Variants in ADAMTS19 observed in about 807,000 individuals in gnomAD.
ADAMTS19 encodes the protein A disintegrin and metalloproteinase with thrombospondin motifs 19.
ADAMTS19 carries 93 observed loss-of-function variants against 153.3 expected under a neutral mutation model. The ratio of observed to expected loss-of-function variants is 0.61; its 90% confidence interval spans 0.51 to 0.72. The LOEUF is 0.72. Among genes scored for constraint, ADAMTS19 ranks in the 30% least tolerant of loss-of-function variants. The probability of loss-of-function intolerance (pLI) is 0.00; values close to 1 mark genes in which losing one functional copy is unlikely to be tolerated. For missense variants in ADAMTS19, 1,482 were observed against 1,552.1 expected, an observed-to-expected ratio of 0.95 and a Z score of 0.76; for synonymous variants, 600 against 556.6, an observed-to-expected ratio of 1.08 and a Z score of -1.10.
In ADAMTS19 at chr5:129,612,509, A is replaced by T. The variant is rs578016474; in HGVS notation, c.1479-8109A>T. Among the ~76,000 whole-genome samples, 4 of 152,268 alleles carry T rather than the reference A, an allele frequency of 2.6e-5. No homozygotes were observed. The East Asian group carries it at 7.7e-4, about 29-fold the overall frequency. ...AATGCTGAGAGATTTTGTCACCACC[A>T]GGCCTTCCTACAAGAGCTCCTGAAG... On this transcript the variant is annotated intron_variant, in intron 8 of 22. Coordinates refer to ENST00000274487, the MANE Select transcript of ADAMTS19 (RefSeq NM_133638.6).
chr5:129,573,220 G>A (rs965763558), intron 7 of ADAMTS19, among the ~76,000 whole-genome samples: 3 of 151,964 alleles, frequency 2.0e-5, no homozygotes, highest in African/African-American at 7.2e-5. Flanking sequence ...CCTTGCTTAG[G>A]ACCAATATTT....
intron 10 of ADAMTS19, among the ~76,000 whole-genome samples, chr5:129,638,967 A>C (rs1392421862): frequency 6.6e-6 from 1 of 152,204 alleles, no homozygotes. Context: ...TTTGAGATAA[A>C]CATCCAAGTA....
chr5:129,556,392 AAAGTATATTTC>A (rs1263093968), intron 7 of ADAMTS19, among the ~76,000 whole-genome samples: 1 of 152,210 alleles, frequency 6.6e-6, no homozygotes, highest in African/African-American at 2.4e-5. Flanking sequence ...CAAGGGAAAT[AAAGTATATTTC>A]ATTGTGCAAG....
intron 7 of ADAMTS19, among the ~76,000 whole-genome samples, chr5:129,558,168 T>C (rs2902169): frequency 0.84 from 127,035 of 151,992 alleles, 53,329 homozygotes; most frequent in Non-Finnish European, 0.88. Flanking sequence ...GCATTCCTTT[T>C]AGAATCAGAA....
chr5:129,659,752 T>G (rs984758252), intron 15 of ADAMTS19, among the ~76,000 whole-genome samples: 3 of 152,026 alleles, frequency 2.0e-5, no homozygotes, highest in African/African-American at 2.4e-5. Flanking sequence ...AGCTAATTTT[T>G]TTTTAATTTT....
At chr5:129,717,952 A>G (rs1756805562) in intron 21 of ADAMTS19, among the ~76,000 whole-genome samples, 1 of 152,194 alleles carries the variant, frequency 6.6e-6, no homozygotes, top group Non-Finnish European at 1.5e-5. Context: ...AGGAAATTTA[A>G]TGATTGTCAT....
At chr5:129,603,342 T>A (rs1433237474) in intron 8 of ADAMTS19, among the ~76,000 whole-genome samples, 3 of 152,220 alleles carry the variant, frequency 2.0e-5, no homozygotes, top group Non-Finnish European at 4.4e-5. Flanking sequence ...GTGAAGCATG[T>A]AGACATAATC....
chr5:129,468,352 GTTATTA>G (rs1169107399), intron 2 of ADAMTS19, among the ~76,000 whole-genome samples: 2 of 151,942 alleles, frequency 1.3e-5, no homozygotes, highest in African/African-American at 2.4e-5. Flanking sequence ...GATAAAAGAT[GTTATTA>G]TTATTATTAT....
intron 18 of ADAMTS19, among the ~76,000 whole-genome samples, chr5:129,693,842 C>A (rs894175364): frequency 2.6e-5 from 4 of 151,984 alleles, no homozygotes; most frequent in Non-Finnish European, 5.9e-5. Flanking sequence ...TGGTAAGAGT[C>A]CCATTTCTTT....
chr5:129,678,530 A>G, intron 16 of ADAMTS19, among the ~76,000 whole-genome samples: 1 of 152,042 alleles, frequency 6.6e-6, no homozygotes, highest in Non-Finnish European at 1.5e-5. Flanking sequence ...GTTATGGTTG[A>G]TACTAGATAA....
At chr5:129,635,253 A>C (rs1402416324) in intron 10 of ADAMTS19, among the ~76,000 whole-genome samples, 2 of 152,220 alleles carry the variant, frequency 1.3e-5, no homozygotes, top group African/African-American at 4.8e-5. Flanking sequence ...AATGTCAAAA[A>C]ATAACAGATG....
At position 129,461,119 on chromosome 5, in the gene ADAMTS19, G is replaced by A; in HGVS notation, c.109G>A (p.Asp37Asn). The A allele has an allele frequency of 7.0e-7, 1 of 1,419,386 alleles. No individual in the cohort carries two copies. Among genetic ancestry groups the A allele is most frequent in the Non-Finnish European group, 9.2e-7 (1 of 1,085,096 alleles). 87.9% of individuals were successfully genotyped at this position (1,419,386 alleles called of 1,614,324 possible). Residue 37 changes from aspartate to asparagine, a missense_variant, in exon 2 of 23, where the codon GAC becomes AAC. By Grantham distance (23) the Asp-to-Asn change is conservative. Coordinates refer to ENST00000274487, the MANE Select transcript of ADAMTS19 (RefSeq NM_133638.6). The surrounding 1 kb of genome is among the most constrained non-coding windows in gnomAD (Gnocchi z 4.6). Reference protein sequence around the residue: ...GIVSELQFAPDREEWEVVFPA... With the variant: ...GIVSELQFAPNREEWEVVFPA... ...GCCCGCAGAGCTGCAGTTCGCCCCC[G>A]ACCGCGAGGAGTGGGAAGTCGTGTT...
chr5:129,666,690 G>A (rs1754067922), intron 16 of ADAMTS19, among the ~76,000 whole-genome samples: 1 of 152,000 alleles, frequency 6.6e-6, no homozygotes. Flanking sequence ...ATATGCATTG[G>A]TATTTAATCT....
intron 14 of ADAMTS19, among the ~76,000 whole-genome samples, chr5:129,658,039 G>C (rs30375): frequency 0.42 from 63,522 of 151,816 alleles, 14,745 homozygotes; most frequent in African/African-American, 0.63. Context: ...CATCCTAACA[G>C]TTTGGGAGGC....
chr5:129,562,823 T>C (rs922815579), intron 7 of ADAMTS19, among the ~76,000 whole-genome samples: 15 of 152,164 alleles, frequency 9.9e-5, no homozygotes, highest in African/African-American at 3.6e-4. Context: ...CCCAGCTCTA[T>C]GATGCTCTGA....
chr5:129,495,440 C>T (rs1042235994), intron 2 of ADAMTS19, among the ~76,000 whole-genome samples: 1 of 151,968 alleles, frequency 6.6e-6, no homozygotes, highest in African/African-American at 2.4e-5. Flanking sequence ...GTTATACTAA[C>T]GGGACCATGA....
At chr5:129,650,196 GC>G (rs1561627228) in intron 13 of ADAMTS19, among the ~76,000 whole-genome samples, 2 of 152,220 alleles carry the variant, frequency 1.3e-5, no homozygotes, top group East Asian at 3.9e-4. Flanking sequence ...GATAATACTT[GC>G]CCATGGTGAG....
intron 10 of ADAMTS19, among the ~76,000 whole-genome samples, chr5:129,624,269 G>A (rs1751922739): frequency 6.6e-6 from 1 of 151,852 alleles, no homozygotes; most frequent in African/African-American, 2.4e-5. Flanking sequence ...CATCGTGTGT[G>A]ACAATTATGA....
intron 19 of ADAMTS19, among the ~76,000 whole-genome samples, chr5:129,699,286 T>C (rs1206493709): frequency 1.3e-5 from 2 of 151,938 alleles, no homozygotes; most frequent in African/African-American, 4.8e-5. Context: ...TAGGGGGACA[T>C]GGCGGGCATG....
Sources: gnomAD v4.1 joint callset for allele counts (sites outside exome capture counted in the v4.1 genomes callset) on GRCh38, gnomAD v4.1.1 for gene constraint, Gnocchi (gnomAD v3.1) non-coding constraint, MANE v1.5 for transcripts, NCBI Gene and HGNC (gene_info 2026-07-23, HGNC 2026-07-21) for gene names.